Variants in ADAMTSL4 observed in about 807,000 individuals in gnomAD.
ADAMTSL4 encodes ADAMTS like 4, also known as ADAMTS-like protein 4.
In ADAMTSL4, 97 loss-of-function variants were observed where a neutral mutation model predicts 122.8. The ratio of observed to expected loss-of-function variants is 0.79; its 90% CI spans 0.67 to 0.93. The LOEUF (loss-of-function observed/expected upper bound fraction) is 0.93. Among genes scored for constraint, ADAMTSL4 ranks in the 40% least tolerant of loss-of-function variants. The pLI is 0.00. For missense variants in ADAMTSL4, 1,408 were observed against 1,453.5 expected, an observed-to-expected ratio of 0.97 and a Z score of 0.51; for synonymous variants, 592 against 568.0, an observed-to-expected ratio of 1.04 and a Z score of -0.60.
At position 150,559,462 on chromosome 1, in the gene ADAMTSL4, G is replaced by T. The variant is rs1003262668; in HGVS notation, c.2939G>T (p.Ser980Ile). 6.2e-7 allele frequency: 1 copy of T among 1,613,190 alleles called. No homozygotes were observed. Among genetic ancestry groups the T allele is most frequent in the Non-Finnish European group, 8.5e-7 (1 of 1,179,980 alleles). Residue 980 changes from serine (S) to isoleucine (I), a missense_variant, in exon 17 of 19, where the codon AGC (serine) becomes ATC (isoleucine). Coordinates refer to ENST00000271643, the MANE Select transcript of ADAMTSL4 (RefSeq NM_019032.6). This position sits in a 1 kb window ranked among gnomAD's most constrained non-coding sequence, Gnocchi z 4.1. ...GACCGATGGTTTTCCACGCCCTGGA[G>T]CCCAGTGAGTGTCTGGCTGCGCTGT... ...CQDRWFSTPW[S>I]PCSRSCQGGT...
At chr1:150,550,451 AC>A (rs939257730) in intron 2 of ADAMTSL4, among the ~76,000 whole-genome samples, 8 of 151,934 alleles carry the variant, frequency 5.3e-5, no homozygotes, top group African/African-American at 1.9e-4. Context: ...CCAAAGCCAA[AC>A]CCAGCTCGGG....
chr1:150,556,742 A>C lies in ADAMTSL4; in HGVS notation c.1698A>C (p.Lys566Asn). The C allele has an allele frequency of 6.2e-7, 1 of 1,613,670 alleles. No individual in the cohort carries two copies. The highest frequency in any genetic ancestry group is 8.5e-7 in the Non-Finnish European group (1 of 1,179,780). ...ACCGTCCTCCCAGGGAGGAGGGCAA[A>C]GGGGAGAGTCTGTCGGCTGAAGGCC... is the stretch of plus-strand genomic sequence containing the variant. ...RYNRPPREEG[K>N]GESLSAEGPT... The change falls in exon 10 of 19, where the codon AAA (lysine) becomes AAC (asparagine). Residue 566 changes from lysine to asparagine, a missense_variant. Lys to Asn is a moderately conservative substitution (Grantham distance 94, BLOSUM62 0). Coordinates refer to ENST00000271643, the MANE Select transcript of ADAMTSL4 (RefSeq NM_019032.6). This position sits in a 1 kb window ranked among gnomAD's most constrained non-coding sequence, Gnocchi z 4.1.
In ADAMTSL4 at chr1:150,560,261, C is replaced by G. The variant is rs113813429; in HGVS notation, c.*65C>G. Reference sequence around the variant, plus strand: ...TCGGTCACCCATTGATCGGCCCACTCTGAACCCCCTGGCTCTCCAGCCTGT... The same window carrying G: ...TCGGTCACCCATTGATCGGCCCACTGTGAACCCCCTGGCTCTCCAGCCTGT... On this transcript the variant is annotated 3_prime_UTR_variant, in exon 19 of 19. Coordinates refer to ENST00000271643, the MANE Select transcript of ADAMTSL4 (RefSeq NM_019032.6). 1.2e-4 allele frequency: 184 copies of G among 1,599,584 alleles called. No individual in the cohort carries two copies. Among genetic ancestry groups the G allele is most frequent in the Non-Finnish European group, 1.4e-4 (170 of 1,172,436 alleles).
At chr1:150,555,645 A>ACACG in intron 8 of ADAMTSL4, 80 bp downstream of exon 8, 1 of 1,576,886 alleles carries the variant, frequency 6.3e-7, no homozygotes, top group Non-Finnish European at 8.6e-7. Flanking sequence ...ACACATGTAC[A>ACACG]CACATATGTA....
rs1202866702 is a variant in ADAMTSL4, at chr1:150,557,985, G to A, written c.2218G>A (p.Gly740Ser). 5.0e-6 allele frequency: 8 copies of A among 1,611,154 alleles called. No individual in the cohort carries two copies. The highest frequency in any genetic ancestry group is 6.8e-6 in the Non-Finnish European group (8 of 1,179,776). The change falls in exon 14 of 19, where the codon GGC becomes AGC. Residue 740 changes from glycine to serine, a missense_variant. Transcript: ENST00000271643. ...GEWTSCSRSC[G>S]PGTQHRQLQC... ...GTGGACATCCTGCAGCCGCTCCTGT[G>A]GCCCCGGCACCCAGCACCGCCAGCT...
Position 150,549,932 on chromosome 1 carries a change from AGAGGT to A in ADAMTSL4, c.-85+38_-85+42del, listed in dbSNP as rs952355481. 7.6e-5 allele frequency: 19 copies of A among 248,516 alleles called. No individual in the cohort carries two copies. The highest frequency in any genetic ancestry group is 1.6e-4 in the Non-Finnish European group (19 of 120,490). 15.4% of individuals were successfully genotyped at this position (248,516 alleles called of 1,614,324 possible). A position where few individuals can be genotyped will look rare whatever the true frequency, so the allele number is the denominator to read the frequency against. Reference sequence around the variant, plus strand: ...TGATCCAGCTCAGCCCGATGGCAGAAGAGGTTGACAAAAAAGAAAGACACCTGTTG... The same window carrying A: ...TGATCCAGCTCAGCCCGATGGCAGAATGACAAAAAAGAAAGACACCTGTTG... On this transcript the variant is annotated intron_variant, in intron 2 of 18. Transcript: ENST00000271643. The surrounding 1 kb of genome is among the most constrained non-coding windows in gnomAD (Gnocchi z 5.0).
Position 150,559,177 on chromosome 1 carries a change from G to A in ADAMTSL4, c.2763+12G>A, listed in dbSNP as rs200136870. The A allele has an allele frequency of 2.5e-3, 4,086 of 1,612,132 alleles. 11 individuals carry two copies. The highest frequency in any genetic ancestry group is 4.0e-3 in the Admixed American group (239 of 59,822). On this transcript the variant is annotated intron_variant, in intron 16 of 18. Coordinates refer to ENST00000271643, the MANE Select transcript of ADAMTSL4 (RefSeq NM_019032.6). This position sits in a 1 kb window ranked among gnomAD's most constrained non-coding sequence, Gnocchi z 4.1. Reference sequence around the variant, plus strand: ...GGCCCTGGGGTGAGGTAAGCTGAGCGCCTGCTGAGAGCAGGAAGGGGGTGC... The same window carrying A: ...GGCCCTGGGGTGAGGTAAGCTGAGCACCTGCTGAGAGCAGGAAGGGGGTGC...
Position 150,560,106 on chromosome 1 carries a change from G to A in ADAMTSL4, c.3135G>A (p.Gln1045=). 6.2e-7 allele frequency: 1 copy of A among 1,614,130 alleles called. No individual in the cohort carries two copies. Among genetic ancestry groups the A allele is most frequent in the Non-Finnish European group, 8.5e-7 (1 of 1,180,020 alleles). ...CTCCACATTGCCCCCTGGTGGTACA[G>A]GCCCGGCTCTGCGTCTACCCCTACT... The part of the protein sequence containing the change: ...DSSPHCPLVV[Q]ARLCVYPYYT... Residue 1045 remains glutamine, a synonymous_variant, in exon 19 of 19, where the codon CAG becomes CAA. Transcript: ENST00000271643.
Position 150,552,712 on chromosome 1 carries a change from C to A in ADAMTSL4, c.78+112C>A. 1.4e-6 allele frequency: 2 copies of A among 1,420,532 alleles called. No individual in the cohort carries two copies. The highest frequency in any genetic ancestry group is 1.4e-5 in the African/African-American group (1 of 70,370). The allele number at this position is 1,420,532 out of a possible 1,614,324, so 88.0% of individuals were successfully genotyped here. ...CCTCCATTCCCCACAGCCCACCCAC[C>A]TCCCCTGCCAACTCCCCAGTTCCTT... On this transcript the variant is annotated intron_variant, in intron 4 of 18. Coordinates refer to ENST00000271643, the MANE Select transcript of ADAMTSL4 (RefSeq NM_019032.6). This position sits in a 1 kb window ranked among gnomAD's most constrained non-coding sequence, Gnocchi z 4.0.
In ADAMTSL4 at chr1:150,557,502, C is replaced by A. The variant is rs774388538; in HGVS notation, c.2056C>A (p.Arg686Ser). 4 of 1,613,110 alleles carry A rather than the reference C, an allele frequency of 2.5e-6. No homozygotes were observed. The highest frequency in any genetic ancestry group is 3.4e-6 in the Non-Finnish European group (4 of 1,179,934). ...CSASCGKGVW[R>S]PIFLCISRES... The stretch of plus-strand genomic sequence containing the variant: ...CCTTCTCACCCACTCAGGTGTCTGG[C>A]GCCCCATTTTCCTCTGCATCTCCCG... The change falls in exon 13 of 19, where the codon CGC (arginine) becomes AGC (serine). Residue 686 changes from arginine to serine, a missense_variant. Transcript: ENST00000271643.
At chr1:150,550,347 A>AGGG in intron 2 of ADAMTSL4, 1 of 213,838 alleles carries the variant, frequency 4.7e-6, no homozygotes, top group Non-Finnish European at 9.1e-6. Context: ...TGCGCAGGGG[A>AGGG]GGGTGGGGTG....
chr1:150,559,010 C>T lies in ADAMTSL4; in HGVS notation c.2608C>T (p.Leu870Phe). 1 of 1,611,850 alleles carries T rather than the reference C, an allele frequency of 6.2e-7. No homozygotes were observed. Among genetic ancestry groups the T allele is most frequent in the Non-Finnish European group, 8.5e-7 (1 of 1,179,794 alleles). Residue 870 changes from leucine to phenylalanine, a missense_variant, in exon 16 of 19, where the codon CTT becomes TTT. Physicochemically the swap from Leu to Phe is conservative, Grantham distance 22. Coordinates refer to ENST00000271643, the MANE Select transcript of ADAMTSL4 (RefSeq NM_019032.6). The surrounding 1 kb of genome is among the most constrained non-coding windows in gnomAD (Gnocchi z 4.1). The stretch of plus-strand genomic sequence containing the variant: ...AATCCAGCGGCGCTCTGTGGTCTGC[C>T]TTGGGAGTGGGGCAGCCCTCGGGCC... ...TGIQRRSVVC[L>F]GSGAALGPGQ...
At position 150,560,426 on chromosome 1, in the gene ADAMTSL4, T is replaced by A; in HGVS notation, c.*230T>A. 1.6e-6 allele frequency: 1 copy of A among 622,508 alleles called. No individual in the cohort carries two copies. Among genetic ancestry groups the A allele is most frequent in the East Asian group, 2.8e-5 (1 of 35,830 alleles). 38.6% of individuals were successfully genotyped at this position (622,508 alleles called of 1,614,324 possible). ...TATGCCTCAGGTGTGCTTTTGGGAC[T>A]GCATGGATATGTGTGTGCTCAAACG... On this transcript the variant is annotated 3_prime_UTR_variant, in exon 19 of 19. Coordinates refer to ENST00000271643, the MANE Select transcript of ADAMTSL4 (RefSeq NM_019032.6).
In ADAMTSL4 at chr1:150,554,331, C is replaced by T; in HGVS notation, c.1132-34C>T. The T allele has an allele frequency of 1.9e-6, 3 of 1,602,614 alleles. No individual in the cohort carries two copies. Among genetic ancestry groups the T allele is most frequent in the Non-Finnish European group, 2.6e-6 (3 of 1,171,298 alleles). The stretch of plus-strand genomic sequence containing the variant: ...CCCTGCCCCTACCCTCATTTTGCTC[C>T]CCAGCTCTGACTCCTTTGTACCCCT... On this transcript the variant is annotated intron_variant, in intron 6 of 18. Coordinates refer to ENST00000271643, the MANE Select transcript of ADAMTSL4 (RefSeq NM_019032.6). This position sits in a 1 kb window ranked among gnomAD's most constrained non-coding sequence, Gnocchi z 4.0.
chr1:150,553,569 C>T lies in ADAMTSL4; in HGVS notation c.578C>T (p.Ala193Val). Residue 193 changes from alanine (A) to valine (V), a missense_variant, in exon 6 of 19, where the codon GCT (alanine) becomes GTT (valine). Ala to Val is a moderately conservative substitution (Grantham distance 64). Coordinates refer to ENST00000271643, the MANE Select transcript of ADAMTSL4 (RefSeq NM_019032.6). ...CTGATCTCTTCTAGAGGGGAAGAGG[C>T]TATTCCGTCCCCTACTCCAAGAGCA... ...LSLISSRGEE[A>V]IPSPTPRAEP... The T allele has an allele frequency of 6.2e-7, 1 of 1,613,868 alleles. No homozygotes were observed. The highest frequency in any genetic ancestry group is 1.7e-5 in the Admixed American group (1 of 59,992).
chr1:150,556,594 T>C lies in ADAMTSL4; in HGVS notation c.1577-27T>C. The C allele has an allele frequency of 6.2e-7, 1 of 1,613,806 alleles. No individual in the cohort carries two copies. The highest frequency in any genetic ancestry group is 8.5e-7 in the Non-Finnish European group (1 of 1,179,954). ...AGGAAGGTATTATCACCCTGGAATT[T>C]CCCGATCTCTCACCTCTGACCCGCA... is the stretch of plus-strand genomic sequence containing the variant. On this transcript the variant is annotated intron_variant, in intron 9 of 18. Transcript: ENST00000271643. The surrounding 1 kb of genome is among the most constrained non-coding windows in gnomAD (Gnocchi z 4.1).
intron 15 of ADAMTSL4, 87 bp downstream of exon 15, chr1:150,558,736 T>C: frequency 6.2e-7 from 1 of 1,608,372 alleles, no homozygotes; most frequent in African/African-American, 1.3e-5. Context: ...TCAATAAACT[T>C]GTATTGATCA....
intron 8 of ADAMTSL4, 86 bp downstream of exon 8, chr1:150,555,651 A>AC: frequency 6.4e-7 from 1 of 1,566,806 alleles, no homozygotes. Context: ...GTACACACAT[A>AC]TGTATGAACA....
At position 150,558,957 on chromosome 1, in the gene ADAMTSL4, C is replaced by T. The variant is rs372471612; in HGVS notation, c.2560-5C>T. 141 of 1,603,056 alleles carry T rather than the reference C, an allele frequency of 8.8e-5. No homozygotes were observed. Among genetic ancestry groups the T allele is most frequent in the Admixed American group, 8.6e-5 (5 of 58,062 alleles). On this transcript the variant is annotated splice_region_variant and splice_polypyrimidine_tract_variant and intron_variant, in intron 15 of 18. Transcript: ENST00000271643. ...CCTCACACAGGCCGCTCTCCTCCTC[C>T]GCAGTGCTCAGCCGAGTGTGGGACG...
Sources: allele counts gnomAD v4.1 joint callset (sites outside exome capture counted in the v4.1 genomes callset), GRCh38; gene constraint gnomAD v4.1.1; non-coding constraint Gnocchi (gnomAD v3.1); transcripts MANE v1.5; gene names NCBI Gene and HGNC (gene_info 2026-07-23, HGNC 2026-07-21).